The following EPHA6 variants were observed in gnomAD, a reference collection of about 807,000 sequenced individuals.
EPHA6 encodes the protein EPH receptor A6, also known as ephrin type-A receptor 6.
A neutral mutation model predicts 112.0 loss-of-function variants in EPHA6; 50 were observed. The ratio of observed to expected loss-of-function variants is 0.45; its 90% CI spans 0.36 to 0.56. The LOEUF (loss-of-function observed/expected upper bound fraction) is 0.56. EPHA6 is among the 20% of genes least tolerant of loss of function. The pLI is 0.00. For synonymous variants in EPHA6, 529 were observed against 490.7 expected, an observed-to-expected ratio of 1.08 and a Z score of -1.03; for missense variants, 1,280 against 1,417.4, an observed-to-expected ratio of 0.90 and a Z score of 1.56.
intron 10 of EPHA6, among the ~76,000 whole-genome samples, chr3:97,531,182 T>G (rs1285837591): frequency 6.6e-6 from 1 of 152,054 alleles, no homozygotes; most frequent in East Asian, 1.9e-4. Flanking sequence ...TATAGGATTA[T>G]GGAAGATTTT....
chr3:97,051,083 G>C (rs1013500124), intron 3 of EPHA6, among the ~76,000 whole-genome samples: 2 of 152,132 alleles, frequency 1.3e-5, no homozygotes, highest in Non-Finnish European at 2.9e-5. Flanking sequence ...AGACAGGCTT[G>C]TCAGGACCCT....
At chr3:97,221,308 CAAAAAAAAAAAAA>C (rs57025573) in intron 3 of EPHA6, among the ~76,000 whole-genome samples, 6 of 16,392 alleles carry the variant, frequency 3.7e-4, no homozygotes, top group Admixed American at 1.6e-3. Flanking sequence ...GACTCTGTCT[CAAAAAAAAAAAAA>C]AAAAAAAAAA....
intron 11 of EPHA6, among the ~76,000 whole-genome samples, chr3:97,552,218 A>G (rs2093037988): frequency 6.6e-6 from 1 of 152,210 alleles, no homozygotes; most frequent in South Asian, 2.1e-4. Context: ...TAATTACATA[A>G]CATGTAAATG....
chr3:97,513,002 T>C (rs1348741979), intron 10 of EPHA6, among the ~76,000 whole-genome samples: 1 of 152,216 alleles, frequency 6.6e-6, no homozygotes, highest in Non-Finnish European at 1.5e-5. Flanking sequence ...GTTTAGTGTG[T>C]ACTTTCACAT....
intron 17 of EPHA6, 59 bp downstream of exon 17, chr3:97,747,631 A>G: frequency 6.9e-7 from 1 of 1,439,404 alleles, no homozygotes; most frequent in Non-Finnish European, 9.2e-7. Context: ...TATAAGTTCA[A>G]ATGCTGTATC....
chr3:97,695,964 T>C (rs976077439), intron 14 of EPHA6, among the ~76,000 whole-genome samples: 1 of 152,246 alleles, frequency 6.6e-6, no homozygotes, highest in Non-Finnish European at 1.5e-5. Flanking sequence ...ACTTTTCTTA[T>C]AGAATCTTCT....
chr3:96,960,634 C>T (rs1423895272), intron 2 of EPHA6, among the ~76,000 whole-genome samples: 1 of 152,144 alleles, frequency 6.6e-6, no homozygotes, highest in Non-Finnish European at 1.5e-5. Flanking sequence ...AAGAGTTTGT[C>T]TTTAGGACCA....
chr3:97,481,079 CG>C (rs2091528316), intron 9 of EPHA6: 1 of 469,012 alleles, frequency 2.1e-6, no homozygotes, highest in South Asian at 1.8e-5. Context: ...GGGGTGGCAG[CG>C]GGGCAGAGGC....
intron 14 of EPHA6, among the ~76,000 whole-genome samples, chr3:97,654,087 G>T (rs367658765): frequency 1.3e-5 from 2 of 151,806 alleles, no homozygotes; most frequent in African/African-American, 4.8e-5. Flanking sequence ...ATACTATATT[G>T]TATGCTAGAA....
At chr3:97,330,157 G>A (rs888511395) in intron 5 of EPHA6, among the ~76,000 whole-genome samples, 1 of 151,920 alleles carries the variant, frequency 6.6e-6, no homozygotes, top group Non-Finnish European at 1.5e-5. Flanking sequence ...TGAGGGCTCT[G>A]TTCTGTTCCA....
At chr3:96,851,149 T>G (rs2035359324) in intron 1 of EPHA6, among the ~76,000 whole-genome samples, 1 of 152,090 alleles carries the variant, frequency 6.6e-6, no homozygotes, top group South Asian at 2.1e-4. Context: ...TTTAAACTGG[T>G]GCTAATGCTA....
chr3:97,656,745 A>G (rs2094140059), intron 14 of EPHA6, among the ~76,000 whole-genome samples: 2 of 151,920 alleles, frequency 1.3e-5, no homozygotes, highest in African/African-American at 4.8e-5. Context: ...AGCTTTCCTC[A>G]AACTCTCCCT....
intron 3 of EPHA6, among the ~76,000 whole-genome samples, chr3:97,125,527 G>C (rs2048160468): frequency 6.6e-6 from 1 of 152,146 alleles, no homozygotes; most frequent in Non-Finnish European, 1.5e-5. Context: ...TATTTATTGA[G>C]AGGAAACATG....
intron 3 of EPHA6, among the ~76,000 whole-genome samples, chr3:97,049,580 T>C (rs961626648): frequency 6.6e-6 from 1 of 152,194 alleles, no homozygotes; most frequent in East Asian, 1.9e-4. Flanking sequence ...ACACAAATTA[T>C]GTGGAAATGT....
intron 3 of EPHA6, among the ~76,000 whole-genome samples, chr3:97,026,795 C>T (rs1037363636): frequency 3.3e-5 from 5 of 152,072 alleles, no homozygotes; most frequent in Middle Eastern, 3.4e-3. Flanking sequence ...TAGATGCTAG[C>T]GAGGTTGTGG....
chr3:97,218,108 C>CA (rs2078083853), intron 3 of EPHA6, among the ~76,000 whole-genome samples: 1 of 151,960 alleles, frequency 6.6e-6, no homozygotes, highest in South Asian at 2.1e-4. Flanking sequence ...CCCCTCTCTA[C>CA]AAAAAATACA....
chr3:97,112,662 G>A (rs1419895668), intron 3 of EPHA6, among the ~76,000 whole-genome samples: 1 of 151,362 alleles, frequency 6.6e-6, no homozygotes, highest in African/African-American at 2.4e-5. Context: ...TTCTAGCCTA[G>A]TATGATTTAA....
At chr3:96,864,282 G>A (rs781250772) in intron 1 of EPHA6, among the ~76,000 whole-genome samples, 1 of 152,038 alleles carries the variant, frequency 6.6e-6, no homozygotes, top group Non-Finnish European at 1.5e-5. Context: ...GAAAGCTTAG[G>A]GTGGCCTATG....
At chr3:97,479,896 A>G (rs2091479019) in intron 9 of EPHA6, among the ~76,000 whole-genome samples, 1 of 152,148 alleles carries the variant, frequency 6.6e-6, no homozygotes, top group Non-Finnish European at 1.5e-5. Flanking sequence ...AATTACCACT[A>G]TAGCTGGTTT....
Sources: allele counts gnomAD v4.1 joint callset (sites outside exome capture counted in the v4.1 genomes callset), GRCh38; gene constraint gnomAD v4.1.1; transcripts MANE v1.5; gene names NCBI Gene and HGNC (gene_info 2026-07-23, HGNC 2026-07-21).